ATP2A1: variants seen among roughly 807,000 people sequenced by gnomAD.
ATP2A1 encodes ATPase sarcoplasmic/endoplasmic reticulum Ca2+ transporting 1, also known as sarcoplasmic/endoplasmic reticulum calcium ATPase 1.
A neutral mutation model predicts 109.5 loss-of-function variants in ATP2A1; 83 were observed. The ratio of observed to expected loss-of-function variants is 0.76; its 90% CI spans 0.63 to 0.91. The LOEUF is 0.91. Ranked by LOEUF, ATP2A1 falls within the 40% of genes least tolerant of loss-of-function variation. ATP2A1 has a pLI of 0.00. For missense variants in ATP2A1, 1,101 were observed against 1,341.0 expected (o/e 0.82, Z 2.80); for synonymous variants, 505 against 537.6 (o/e 0.94, Z 0.84).
intron 14 of ATP2A1, 98 bp from the exon 15 acceptor site, chr16:28,900,483 T>A: frequency 1.9e-6 from 2 of 1,068,018 alleles, no homozygotes; most frequent in African/African-American, 1.6e-5. Context: ...CCCCACCACT[T>A]CCTGACCTTT....
At chr16:28,896,468 A>G (rs1405099559) in intron 12 of ATP2A1, among the ~76,000 whole-genome samples, 1 of 151,924 alleles carries the variant, frequency 6.6e-6, no homozygotes, top group East Asian at 1.9e-4. Context: ...GCTGAAGTGC[A>G]GTGGGGCCAT....
chr16:28,898,374 G>A lies in ATP2A1; in HGVS notation c.1687G>A (p.Ala563Thr), dbSNP rs759631177. The change falls in exon 14 of 23, where the codon GCC (alanine) becomes ACC (threonine). Residue 563 changes from alanine to threonine, a missense_variant. By Grantham distance (58) the Ala-to-Thr change is moderately conservative. Transcript: ENST00000395503. The surrounding 1 kb of genome is among the most constrained non-coding windows in gnomAD (Gnocchi z 4.0). ...GTGRDTLRCL[A>T]LATRDTPPKR... ...TGGCCGGGACACCCTGCGCTGCTTGGCCCTGGCCACCCGGGACACCCCCCC... is the reference window on the plus strand; with the variant it reads ...TGGCCGGGACACCCTGCGCTGCTTGACCCTGGCCACCCGGGACACCCCCCC... 1.2e-5 allele frequency: 19 copies of A among 1,614,204 alleles called. No individual in the cohort carries two copies. The East Asian group carries it at 4.2e-4, about 36-fold the overall frequency.
In ATP2A1 at chr16:28,894,606, A is replaced by C; in HGVS notation, c.1286A>C (p.Glu429Ala). ...LCNDSSLDFN[E>A]AKGVYEKVGE... is the part of the protein sequence containing the mutation. ...AATGACTCCTCCTTGGACTTCAACGAGGTAACCTCTCCTTCCCCTTCCAGT... is the reference window on the plus strand; with the variant it reads ...AATGACTCCTCCTTGGACTTCAACGCGGTAACCTCTCCTTCCCCTTCCAGT... The change falls in exon 11 of 23, where the codon GAG becomes GCG. Residue 429 changes from glutamate (E) to alanine (A), a missense_variant and splice_region_variant. Glu to Ala is a moderately radical substitution (Grantham distance 107). Coordinates refer to ENST00000395503, the MANE Select transcript of ATP2A1 (RefSeq NM_004320.6). 1.2e-6 allele frequency: 2 copies of C among 1,613,942 alleles called. No individual in the cohort carries two copies. Among genetic ancestry groups the C allele is most frequent in the Non-Finnish European group, 1.7e-6 (2 of 1,179,928 alleles).
intron 5 of ATP2A1, among the ~76,000 whole-genome samples, chr16:28,882,891 C>T (rs945090142): frequency 6.6e-6 from 1 of 152,206 alleles, no homozygotes; most frequent in Non-Finnish European, 1.5e-5. Flanking sequence ...CCAATGGCCC[C>T]GTCTCCACCC....
intron 14 of ATP2A1, among the ~76,000 whole-genome samples, chr16:28,900,196 G>A (rs1964031859): frequency 6.6e-6 from 1 of 151,800 alleles, no homozygotes; most frequent in Non-Finnish European, 1.5e-5. Context: ...AGCTACTTGG[G>A]AGGGTGAGGT....
At position 28,898,982 on chromosome 16, in the gene ATP2A1, T is replaced by A. The variant is rs1269309945; in HGVS notation, c.1764+531T>A. ...TGCATGACAAGCAAGGCCCTGTCTC[T>A]AAAAACAAAAAACAAAAACACACAC... On this transcript the variant is annotated intron_variant, in intron 14 of 22. Coordinates refer to ENST00000395503, the MANE Select transcript of ATP2A1 (RefSeq NM_004320.6). The surrounding 1 kb of genome is among the most constrained non-coding windows in gnomAD (Gnocchi z 4.0). Among the ~76,000 whole-genome samples the A allele has an allele frequency of 4.0e-5, 6 of 151,438 alleles. No individual in the cohort carries two copies. The South Asian group carries it at 1.3e-3, about 32-fold the overall frequency.
At chr16:28,884,524 G>C (rs1757653052) in intron 5 of ATP2A1, 51 bp from the exon 6 acceptor site, 10 of 1,540,768 alleles carry the variant, frequency 6.5e-6, no homozygotes, top group Non-Finnish European at 9.0e-6. Context: ...TCTTTGGAAG[G>C]AAGAAAATTC....
rs548943800 is a variant in ATP2A1 at position 28,881,209 on chromosome 16, A to G, written c.324+190A>G. On this transcript the variant is annotated intron_variant, in intron 4 of 22. Transcript: ENST00000395503. ...TGTGACCCACTGTCACTTCCTGGCT[A>G]TGTGACCCTGAGCAAGTTCCTTCAT... is the stretch of plus-strand genomic sequence containing the variant. 4.3e-4 allele frequency among the ~76,000 whole-genome samples: 66 copies of G among 152,260 alleles called. 1 individual carries two copies. The highest frequency in any genetic ancestry group is 3.4e-3 in the Middle Eastern group (1 of 294).
chr16:28,894,107 G>C (rs761683664), intron 9 of ATP2A1, 48 bp from the exon 10 acceptor site: 3 of 1,543,408 alleles, frequency 1.9e-6, no homozygotes, highest in Admixed American at 3.4e-5. Context: ...TGCCCACCTT[G>C]GGATGGGAAG....
In ATP2A1 at chr16:28,878,578, C is replaced by T. The variant is rs1963341094; in HGVS notation, c.-94C>T. On this transcript the variant is annotated 5_prime_UTR_variant, in exon 1 of 23. Coordinates refer to ENST00000395503, the MANE Select transcript of ATP2A1 (RefSeq NM_004320.6). ...GGAGAGTAAAAAGAAGAAACCCAGG[C>T]AGACAGGCAGTTGGACACACTGAGG... The T allele has an allele frequency of 1.0e-5, 11 of 1,051,410 alleles. No homozygotes were observed. Among genetic ancestry groups the T allele is most frequent in the Middle Eastern group, 2.0e-4 (1 of 5,086 alleles). 65.1% of individuals were successfully genotyped at this position (1,051,410 alleles called of 1,614,324 possible).
chr16:28,900,489 C>A (rs1964040499), intron 14 of ATP2A1, 92 bp from the exon 15 acceptor site: 16 of 946,096 alleles, frequency 1.7e-5, no homozygotes, highest in East Asian at 3.1e-5. Flanking sequence ...CACTTCCTGA[C>A]CTTTCACCCC....
In ATP2A1 at chr16:28,878,740, C is replaced by A. The variant is rs1215226686; in HGVS notation, c.69C>A (p.Gly23=). 2 of 1,613,576 alleles carry A rather than the reference C, an allele frequency of 1.2e-6. No homozygotes were observed. The highest frequency in any genetic ancestry group is 2.2e-5 in the East Asian group (1 of 44,882). Residue 23 remains glycine, a synonymous_variant, in exon 1 of 23, where the codon GGC becomes GGA. Transcript: ENST00000395503. The part of the protein sequence containing the change: ...LAYFGVSETT[G]LTPDQVKRNL... ...ATTTTGGGGTGAGTGAGACCACGGG[C>A]CTCACCCCGGACCAAGTTAAGCGGA...
At position 28,882,563 on chromosome 16, in the gene ATP2A1, TC is replaced by T. The variant is rs748241465; in HGVS notation, c.440del (p.Pro147LeufsTer34). On this transcript the variant is annotated frameshift_variant, in exon 5 of 23. Coordinates refer to ENST00000395503, the MANE Select transcript of ATP2A1 (RefSeq NM_004320.6). LOFTEE classifies it high-confidence loss of function. ...SVQRIKARDI[V>X]PGDIVEVAVG... is the part of the protein sequence containing the mutation. Reference sequence around the variant, plus strand: ...CAAAGGATCAAGGCTCGGGACATCGTCCCTGGGGACATCGTGGAGGTGGCTG... The same window carrying T: ...CAAAGGATCAAGGCTCGGGACATCGTCCTGGGGACATCGTGGAGGTGGCTG... 12 of 1,614,136 alleles carry T rather than the reference TC, an allele frequency of 7.4e-6. No homozygotes were observed. Among genetic ancestry groups the T allele is most frequent in the Non-Finnish European group, 9.3e-6 (11 of 1,179,992 alleles).
rs973209380 is a variant in ATP2A1 at position 28,883,112 on chromosome 16, C to CCCCG, written c.463+529_463+532dup. On this transcript the variant is annotated intron_variant, in intron 5 of 22. Coordinates refer to ENST00000395503, the MANE Select transcript of ATP2A1 (RefSeq NM_004320.6). The surrounding 1 kb of genome is among the most constrained non-coding windows in gnomAD (Gnocchi z 5.2). Reference sequence around the variant, plus strand: ...CGGGGAGGAGGGAGCTCAAGGAGGGCCCCGCCCGCGGCAAGGGACACTTAA... The same window carrying CCCCG: ...CGGGGAGGAGGGAGCTCAAGGAGGGCCCCGCCCGCCCGCGGCAAGGGACACTTAA... Among the ~76,000 whole-genome samples, 3 of 152,220 alleles carry CCCCG rather than the reference C, an allele frequency of 2.0e-5. No homozygotes were observed. Among genetic ancestry groups the CCCCG allele is most frequent in the African/African-American group, 7.2e-5 (3 of 41,460 alleles).
chr16:28,879,005 G>A (rs1271517428), intron 1 of ATP2A1, 94 bp from the exon 2 acceptor site: 10 of 1,544,214 alleles, frequency 6.5e-6, no homozygotes, highest in African/African-American at 4.1e-5. Context: ...GAACCTCAAG[G>A]TGGCCTGATT....
chr16:28,887,863 T>G (rs973964857), intron 8 of ATP2A1, 141 bp downstream of exon 8: 67 of 1,119,022 alleles, frequency 6.0e-5, no homozygotes, highest in Non-Finnish European at 7.8e-5. Flanking sequence ...TGCAGTGGCG[T>G]GATCTCGGCT....
intron 12 of ATP2A1, 67 bp downstream of exon 12, chr16:28,895,020 G>A: frequency 6.3e-7 from 1 of 1,599,312 alleles, no homozygotes; most frequent in African/African-American, 1.3e-5. Flanking sequence ...GAGGAAGGCA[G>A]AGGCCCTGGT....
At chr16:28,884,436 G>T (rs1963564161) in intron 5 of ATP2A1, 139 bp from the exon 6 acceptor site, 3 of 786,546 alleles carry the variant, frequency 3.8e-6, no homozygotes, top group Admixed American at 4.0e-5. Context: ...CAAGCCAAGG[G>T]CCTGATGCAA....
In ATP2A1 at chr16:28,903,800, C is replaced by A; in HGVS notation, c.*37+59C>A. ...TGTGCCCCTGCCACCCGCGCCCCCTCAGCCCCTTGCGCGTCGCATCCAAGG... is the reference window on the plus strand; with the variant it reads ...TGTGCCCCTGCCACCCGCGCCCCCTAAGCCCCTTGCGCGTCGCATCCAAGG... On this transcript the variant is annotated intron_variant, in intron 22 of 22. Transcript: ENST00000395503. The surrounding 1 kb of genome is among the most constrained non-coding windows in gnomAD (Gnocchi z 5.6). 1.4e-6 allele frequency: 2 copies of A among 1,474,044 alleles called. No individual in the cohort carries two copies. Among genetic ancestry groups the A allele is most frequent in the Non-Finnish European group, 1.9e-6 (2 of 1,052,810 alleles). 91.3% of individuals were successfully genotyped at this position (1,474,044 alleles called of 1,614,324 possible).
Sources: gnomAD v4.1 joint callset for allele counts (sites outside exome capture counted in the v4.1 genomes callset) on GRCh38, gnomAD v4.1.1 for gene constraint, Gnocchi (gnomAD v3.1) non-coding constraint, MANE v1.5 for transcripts, NCBI Gene and HGNC (gene_info 2026-07-23, HGNC 2026-07-21) for gene names.